The following SPAG17 variants were observed in gnomAD, a reference collection of about 807,000 sequenced individuals.
SPAG17 encodes the protein sperm associated antigen 17.
A neutral mutation model predicts 273.6 loss-of-function variants in SPAG17; 169 were observed. That is an observed-to-expected ratio of 0.62 (90% CI 0.55 to 0.70). The LOEUF is 0.70. SPAG17 is among the 30% of genes least tolerant of loss of function. The pLI, the probability that SPAG17 is intolerant of heterozygous loss-of-function variation, is 0.00. For synonymous variants in SPAG17, 825 were observed against 873.2 expected (o/e 0.94, Z 0.97); for missense variants, 2,557 against 2,627.8 (o/e 0.97, Z 0.59).
intron 40 of SPAG17, among the ~76,000 whole-genome samples, chr1:117,986,586 T>C (rs1215212161): frequency 2.0e-5 from 3 of 152,198 alleles, no homozygotes; most frequent in African/African-American, 7.2e-5. Context: ...GTATAGATAA[T>C]ACAGGCATAT....
intron 30 of SPAG17, among the ~76,000 whole-genome samples, chr1:118,010,210 T>C (rs558412236): frequency 7.9e-5 from 12 of 152,286 alleles, no homozygotes; most frequent in Admixed American, 1.3e-4. Flanking sequence ...TGAAAATTTC[T>C]AAGAGAGTAG....
chr1:118,055,655 TCA>T (rs1335585137), intron 19 of SPAG17, 76 bp downstream of exon 19: 3 of 1,211,148 alleles, frequency 2.5e-6, no homozygotes, highest in African/African-American at 1.5e-5. Flanking sequence ...TTGAAAATAT[TCA>T]CAGTCTTGAT....
intron 29 of SPAG17, among the ~76,000 whole-genome samples, chr1:118,014,457 A>G (rs912913432): frequency 6.6e-6 from 1 of 152,210 alleles, no homozygotes; most frequent in Non-Finnish European, 1.5e-5. Flanking sequence ...AATTAAAGTG[A>G]GTTACTTGAA....
chr1:117,969,609 C>CA (rs1484252971), intron 46 of SPAG17, among the ~76,000 whole-genome samples: 1 of 151,848 alleles, frequency 6.6e-6, no homozygotes, highest in African/African-American at 2.4e-5. Context: ...TATAAATAAA[C>CA]AAATATGATT....
intron 1 of SPAG17, among the ~76,000 whole-genome samples, chr1:118,169,511 G>T (rs900138322): frequency 6.6e-6 from 1 of 152,060 alleles, no homozygotes; most frequent in African/African-American, 2.4e-5. Context: ...ATTAACATAA[G>T]AAATAGCTTG....
chr1:118,059,881 T>A lies in SPAG17; in HGVS notation c.2541-3967A>T, dbSNP rs191346026. Reference sequence around the variant, plus strand: ...CAGAGTATAGTTGGATATGGTTTTATTATCCGTTAGTCCACTCTGAATTAG... The same window carrying A: ...CAGAGTATAGTTGGATATGGTTTTAATATCCGTTAGTCCACTCTGAATTAG... On this transcript the variant is annotated intron_variant, in intron 18 of 48. Coordinates refer to ENST00000336338, the MANE Select transcript of SPAG17 (RefSeq NM_206996.4). Among the ~76,000 whole-genome samples, 14 of 152,248 alleles carry A rather than the reference T, an allele frequency of 9.2e-5. No individual in the cohort carries two copies. In the East Asian group the frequency reaches 2.5e-3, roughly 27 times the overall value.
chr1:117,994,556 A>G, intron 34 of SPAG17, 26 bp from the exon 35 acceptor site: 1 of 1,586,056 alleles, frequency 6.3e-7, no homozygotes. Context: ...TTGTCAGAAG[A>G]CCATTACCCA....
Position 117,971,929 on chromosome 1 carries a change from A to G in SPAG17, c.6260T>C (p.Val2087Ala), listed in dbSNP as rs745333487. Reference protein sequence around the residue: ...HLLPSSVKFGVLKEGHTYATV... With the variant: ...HLLPSSVKFGALKEGHTYATV... ...GGCATAGGTATGTCCTTCCTTAAGC[A>G]CTCCAAACTTGACTGATGATGGGAG... is the stretch of plus-strand genomic sequence containing the variant. The change falls in exon 45 of 49, where the codon GTG becomes GCG. Residue 2087 changes from valine (V) to alanine (A), a missense_variant. Physicochemically the swap from Val to Ala is moderately conservative, Grantham distance 64. Coordinates refer to ENST00000336338, the MANE Select transcript of SPAG17 (RefSeq NM_206996.4). The G allele has an allele frequency of 1.9e-6, 3 of 1,614,052 alleles. No homozygotes were observed. In the African/African-American group the frequency reaches 4.0e-5, roughly 22 times the overall value.
At chr1:118,016,767 T>C (rs2101806686) in intron 28 of SPAG17, among the ~76,000 whole-genome samples, 1 of 152,302 alleles carries the variant, frequency 6.6e-6, no homozygotes, top group Middle Eastern at 3.4e-3. Flanking sequence ...AATTGTCTGA[T>C]ACATTTTCCT....
At chr1:118,031,976 C>A (rs1439612935) in intron 24 of SPAG17, 109 bp from the exon 25 acceptor site, 2 of 826,232 alleles carry the variant, frequency 2.4e-6, no homozygotes, top group Admixed American at 5.6e-5. Context: ...ACAATTTTTA[C>A]CTTGCTAAAT....
At chr1:118,003,932 C>G (rs1197696469) in intron 32 of SPAG17, among the ~76,000 whole-genome samples, 1 of 152,228 alleles carries the variant, frequency 6.6e-6, no homozygotes, top group Admixed American at 6.5e-5. Context: ...GCTCTGGTTT[C>G]TCCCCACCTT....
At position 117,973,558 on chromosome 1, in the gene SPAG17, G is replaced by T. The variant is rs74114950; in HGVS notation, c.6008C>A (p.Ala2003Glu). ...TENLTKSPEE[A>E]ESYEPVKIPT... Reference sequence around the variant, plus strand: ...AATTTTCACGGGCTCATAAGATTCTGCTTCTGTTAGAGAGAAAGCTTAAAT... The same window carrying T: ...AATTTTCACGGGCTCATAAGATTCTTCTTCTGTTAGAGAGAAAGCTTAAAT... Residue 2003 changes from alanine (A) to glutamate (E), a missense_variant, in exon 44 of 49, where the codon GCA (alanine) becomes GAA (glutamate). Coordinates refer to ENST00000336338, the MANE Select transcript of SPAG17 (RefSeq NM_206996.4). The T allele has an allele frequency of 6.2e-7, 1 of 1,613,208 alleles. No individual in the cohort carries two copies.
intron 1 of SPAG17, among the ~76,000 whole-genome samples, chr1:118,180,618 C>G (rs935588911): frequency 2.6e-5 from 4 of 151,914 alleles, no homozygotes; most frequent in Non-Finnish European, 5.9e-5. Flanking sequence ...AAAGAAAAGA[C>G]AAATATTTAA....
At position 118,028,237 on chromosome 1, in the gene SPAG17, C is replaced by T. The variant is rs761529610; in HGVS notation, c.3730+37G>A. The T allele has an allele frequency of 5.7e-6, 9 of 1,577,308 alleles. No individual in the cohort carries two copies. The South Asian group carries it at 9.4e-5, about 16-fold the overall frequency. On this transcript the variant is annotated intron_variant, in intron 26 of 48. Coordinates refer to ENST00000336338, the MANE Select transcript of SPAG17 (RefSeq NM_206996.4). ...TTCCTGTTTTCTACGTGACATTTTG[C>T]TCCCTGCTTCCCCACCCTACCCCAT...
intron 1 of SPAG17, among the ~76,000 whole-genome samples, chr1:118,174,979 C>A (rs549668413): frequency 1.6e-4 from 25 of 152,028 alleles, no homozygotes; most frequent in African/African-American, 5.5e-4. Flanking sequence ...CACTTGGCAG[C>A]AGATATGTGA....
intron 21 of SPAG17, among the ~76,000 whole-genome samples, chr1:118,041,173 A>C (rs1468692175): frequency 6.6e-6 from 1 of 152,148 alleles, no homozygotes; most frequent in Non-Finnish European, 1.5e-5. Context: ...AAGTGAACTG[A>C]TGCTGTGGAG....
chr1:118,091,626 G>C lies in SPAG17; in HGVS notation c.1339C>G (p.Leu447Val), dbSNP rs1367209339. 6.2e-7 allele frequency: 1 copy of C among 1,608,792 alleles called. No individual in the cohort carries two copies. The highest frequency in any genetic ancestry group is 8.5e-7 in the Non-Finnish European group (1 of 1,175,496). The change falls in exon 10 of 49, where the codon CTG (leucine) becomes GTG (valine). Residue 447 changes from leucine (L) to valine (V), a missense_variant. Coordinates refer to ENST00000336338, the MANE Select transcript of SPAG17 (RefSeq NM_206996.4). ...REEFISVPLI[L>V]HCMLEQVVAT... The stretch of plus-strand genomic sequence containing the variant: ...CCCACCTGTTCCAGCATACAATGCA[G>C]TATCAGGGGCACAGAAATGAATTCC...
chr1:118,038,569 A>G (rs955265441), intron 23 of SPAG17, among the ~76,000 whole-genome samples: 12 of 152,218 alleles, frequency 7.9e-5, no homozygotes, highest in Admixed American at 6.5e-4. Context: ...GTACATCTAG[A>G]CAATGTAATA....
Position 118,185,052 on chromosome 1 carries a change from T to A in SPAG17, c.87+19A>T, listed in dbSNP as rs1403717783. The A allele has an allele frequency of 1.2e-6, 2 of 1,612,344 alleles. No individual in the cohort carries two copies. The highest frequency in any genetic ancestry group is 3.3e-5 in the Admixed American group (2 of 60,010). ...GGCATTGCCGGGGGCAGGGAGGGCT[T>A]AAAGGGCTCAAGGCTCACCTGATTG... On this transcript the variant is annotated intron_variant, in intron 1 of 48. Transcript: ENST00000336338.
Sources: allele counts gnomAD v4.1 joint callset (sites outside exome capture counted in the v4.1 genomes callset), GRCh38; gene constraint gnomAD v4.1.1; transcripts MANE v1.5; gene names NCBI Gene and HGNC (gene_info 2026-07-23, HGNC 2026-07-21).